C3orf22: variants seen among roughly 807,000 people sequenced by gnomAD.
C3orf22 encodes uncharacterized protein C3orf22.
In C3orf22, 7 loss-of-function variants were observed where a neutral mutation model predicts 10.8. That is an observed-to-expected ratio of 0.65 (90% CI 0.37 to 1.22). C3orf22 has a LOEUF of 1.22. C3orf22 is among the 50% of genes most tolerant of loss of function. The pLI is 0.02. For missense variants in C3orf22, 173 were observed against 177.0 expected (o/e 0.98, Z 0.13); for synonymous variants, 79 against 78.9 (o/e 1.00, Z 0.00).
chr3:126,535,040 TCGCTGTCCTCAGCC>T, intron 4 of C3orf22, among the ~76,000 whole-genome samples: 1 of 117,182 alleles, frequency 8.5e-6, no homozygotes, highest in Non-Finnish European at 1.7e-5. Context: ...ACACACAGCA[TCGCTGTCCTCAGCC>T]GGGAGACAGA....
chr3:126,539,191 T>G (rs933915156), intron 4 of C3orf22, among the ~76,000 whole-genome samples: 3 of 152,172 alleles, frequency 2.0e-5, no homozygotes, highest in African/African-American at 7.2e-5. Flanking sequence ...TACTCCCACC[T>G]GGGATGACTG....
chr3:126,546,128 G>A (rs149891324), downstream of C3orf22, among the ~76,000 whole-genome samples: 22 of 152,300 alleles, frequency 1.4e-4, no homozygotes, highest in East Asian at 4.3e-3. Context: ...TAGGTCGGGT[G>A]CCTCAATGCG....
chr3:126,534,969 AC>A (rs1275109305), intron 4 of C3orf22, among the ~76,000 whole-genome samples: 4 of 116,658 alleles, frequency 3.4e-5, no homozygotes, highest in Middle Eastern at 8.3e-3. Context: ...CCGGAGACAG[AC>A]CAGCATCCCT....
intron 5 of C3orf22, among the ~76,000 whole-genome samples, chr3:126,528,871 T>C (rs1936588948): frequency 6.6e-6 from 1 of 152,212 alleles, no homozygotes; most frequent in Non-Finnish European, 1.5e-5. Context: ...CCAGAAGGAA[T>C]GTCCCTGACT....
At chr3:126,537,095 T>C (rs1275106101) in intron 4 of C3orf22, among the ~76,000 whole-genome samples, 1 of 152,094 alleles carries the variant, frequency 6.6e-6, no homozygotes, top group Non-Finnish European at 1.5e-5. Flanking sequence ...ACACTAATAC[T>C]TAACTAATTC....
intron 4 of C3orf22, chr3:126,542,161 C>A: frequency 6.6e-7 from 1 of 1,515,780 alleles, no homozygotes; most frequent in South Asian, 1.2e-5. Flanking sequence ...ACGGTGCACG[C>A]ATCGTTCAGC....
At position 126,528,876 on chromosome 3, in the gene C3orf22, C is replaced by T. The variant is rs796604493; in HGVS notation, c.*218+256G>A. On this transcript the variant is annotated intron_variant and NMD_transcript_variant, in intron 5 of 5. Coordinates refer to the C3orf22 transcript ENST00000505070. ...GGCCTGATCCCCAGAAGGAATGTCC[C>T]TGACTCTGAGACATGCAGGTCACCC... Among the ~76,000 whole-genome samples, 5 of 152,356 alleles carry T rather than the reference C, an allele frequency of 3.3e-5. No individual in the cohort carries two copies. In the South Asian group the frequency reaches 1.0e-3, roughly 32 times the overall value.
Position 126,542,160 on chromosome 3 carries a change from G to T in C3orf22, c.286+7377C>A, listed in dbSNP as rs773063481. On this transcript the variant is annotated intron_variant and NMD_transcript_variant, in intron 4 of 5. Transcript: ENST00000505070. ...GCCTTCCAGAGGCGCTACGGTGCAC[G>T]CATCGTTCAGCGCCTGCGGCCGCGC... 83 of 1,514,638 alleles carry T rather than the reference G, an allele frequency of 5.5e-5. 1 individual carries two copies. The highest frequency in any genetic ancestry group is 6.2e-5 in the Non-Finnish European group (71 of 1,138,604). 93.8% of individuals were successfully genotyped at this position (1,514,638 alleles called of 1,614,324 possible).
chr3:126,539,438 GAC>G (rs930324745), intron 4 of C3orf22, among the ~76,000 whole-genome samples: 3 of 151,490 alleles, frequency 2.0e-5, no homozygotes, highest in South Asian at 4.1e-4. Flanking sequence ...AGCGTACATG[GAC>G]ACACACACAA....
chr3:126,542,204 G>C (rs1936976564), intron 4 of C3orf22: 2 of 1,449,406 alleles, frequency 1.4e-6, no homozygotes, highest in East Asian at 2.9e-5. Flanking sequence ...CGACGCCCGG[G>C]CCCGCGGCCA....
chr3:126,545,386 G>C (rs1391173760), downstream of C3orf22, among the ~76,000 whole-genome samples: 5 of 152,210 alleles, frequency 3.3e-5, no homozygotes, highest in Non-Finnish European at 7.3e-5. Context: ...GTGCTCTTTT[G>C]CTTTTTTCTG....
intron 4 of C3orf22, among the ~76,000 whole-genome samples, chr3:126,531,654 T>G (rs184157498): frequency 6.6e-6 from 1 of 152,378 alleles, no homozygotes; most frequent in Non-Finnish European, 1.5e-5. Context: ...TTCATTCCTT[T>G]TATGGCCAAT....
Position 126,550,018 on chromosome 3 carries a change from T to C in C3orf22, c.276A>G (p.Pro92=), listed in dbSNP as rs767062392. 1.2e-6 allele frequency: 2 copies of C among 1,613,908 alleles called. No individual in the cohort carries two copies. The highest frequency in any genetic ancestry group is 2.7e-5 in the African/African-American group (2 of 74,866). Residue 92 remains proline, a synonymous_variant, in exon 4 of 4, where the codon CCA becomes CCG. Coordinates refer to ENST00000318225, the MANE Select transcript of C3orf22 (RefSeq NM_152533.3). Reference sequence around the variant, plus strand: ...AAAGGTTGCACAGTGGAGGTGGTGATGGTGCTGGTAGTGGTGCCGGGCAGG... The same window carrying C: ...AAAGGTTGCACAGTGGAGGTGGTGACGGTGCTGGTAGTGGTGCCGGGCAGG... ...SGSCPAPLPA[P]SPPPLCNLWE... is the part of the protein sequence containing the mutation.
downstream of C3orf22, among the ~76,000 whole-genome samples, chr3:126,545,313 A>C (rs527840720): frequency 7.5e-4 from 115 of 152,342 alleles, no homozygotes; most frequent in Non-Finnish European, 1.5e-3. Context: ...TGCTGGCAGG[A>C]CACCTCCCAG....
At chr3:126,534,883 C>T (rs1252473475) in intron 4 of C3orf22, among the ~76,000 whole-genome samples, 2 of 149,842 alleles carry the variant, frequency 1.3e-5, no homozygotes, top group Admixed American at 6.6e-5. Context: ...AGACAGCATC[C>T]CTGTCCCCAG....
downstream of C3orf22, among the ~76,000 whole-genome samples, chr3:126,549,189 C>T (rs944095630): frequency 6.6e-5 from 10 of 152,226 alleles, no homozygotes; most frequent in African/African-American, 2.4e-4. Flanking sequence ...ACTCTCGGTC[C>T]TGTCCCCAGG....
At chr3:126,545,381 C>CTT (rs1397641532), downstream of C3orf22, among the ~76,000 whole-genome samples, 1 of 152,206 alleles carries the variant, frequency 6.6e-6, no homozygotes, top group African/African-American at 2.4e-5. Flanking sequence ...TGTAAGTGCT[C>CTT]TTTTGCTTTT....
intron 4 of C3orf22, among the ~76,000 whole-genome samples, chr3:126,539,747 ACCACACACT>A (rs1936893958): frequency 1.4e-5 from 1 of 70,200 alleles, no homozygotes; most frequent in Non-Finnish European, 2.7e-5. Context: ...CACACCCCAC[ACCACACACT>A]CCACACCACA....
rs1560142802 is a variant in C3orf22, at chr3:126,539,896, A to AAACACACACCACACC, written c.286+9640_286+9641insGGTGTGGTGTGTGTT. Reference sequence around the variant, plus strand: ...ACACACACACAAACACACACCACACATACACCATACATACACCACACACAC... The same window carrying AAACACACACCACACC: ...ACACACACACAAACACACACCACACAAACACACACCACACCTACACCATACATACACCACACACAC... On this transcript the variant is annotated intron_variant and NMD_transcript_variant, in intron 4 of 5. Transcript: ENST00000505070. Among the ~76,000 whole-genome samples the AAACACACACCACACC allele has an allele frequency of 3.8e-3, 10 of 2,662 alleles. 5 individuals are homozygous for AAACACACACCACACC. Among genetic ancestry groups the AAACACACACCACACC allele is most frequent in the East Asian group, 0.017 (2 of 120 alleles). The allele number at this position is 2,662 out of a possible 152,430, so 1.7% of individuals were successfully genotyped here. A position where few individuals can be genotyped will look rare whatever the true frequency, so the allele number is the denominator to read the frequency against.
Sources: allele counts gnomAD v4.1 joint callset (sites outside exome capture counted in the v4.1 genomes callset), GRCh38; gene constraint gnomAD v4.1.1; transcripts MANE v1.5; gene names NCBI Gene and HGNC (gene_info 2026-07-23, HGNC 2026-07-21).